Variants in KIAA1958 observed in about 807,000 individuals in gnomAD.
KIAA1958 encodes KIAA1958, also known as uncharacterized protein KIAA1958.
Under a neutral mutation model 47.2 loss-of-function variants are expected in KIAA1958, and 14 were observed. The observed-to-expected ratio is 0.30, with a 90% CI of 0.20 to 0.46. The LOEUF is 0.46. Ranked by LOEUF, KIAA1958 falls within the 20% of genes least tolerant of loss-of-function variation. The pLI, the probability that KIAA1958 is intolerant of heterozygous loss-of-function variation, is 1.00. For missense variants in KIAA1958, 803 were observed against 909.2 expected (o/e 0.88, Z 1.50); for synonymous variants, 354 against 353.3 (o/e 1.00, Z -0.02).
In KIAA1958 at chr9:112,524,390, T is replaced by TCC. The variant is rs1834605486; in HGVS notation, c.-25+37272_-25+37273insCC. Among the ~76,000 whole-genome samples, 10 of 152,240 alleles carry TCC rather than the reference T, an allele frequency of 6.6e-5. 1 individual carries two copies. The highest frequency in any genetic ancestry group is 6.5e-4 in the Admixed American group (10 of 15,286). ...GAAGGGGGTCTAGTTTAGTGACCGG[T>TCC]TTCAGTTTATGCTATACCTCGGAAA... On this transcript the variant is annotated intron_variant, in intron 1 of 3. Transcript: ENST00000337530.
At chr9:112,524,435 G>T (rs1205138056) in intron 1 of KIAA1958, among the ~76,000 whole-genome samples, 1 of 152,372 alleles carries the variant, frequency 6.6e-6, no homozygotes, top group East Asian at 1.9e-4. Context: ...GACTGTGACT[G>T]AGAAAGCGGC....
At chr9:112,578,966 C>T (rs1477834614) in intron 2 of KIAA1958, among the ~76,000 whole-genome samples, 4 of 151,748 alleles carry the variant, frequency 2.6e-5, no homozygotes, top group Non-Finnish European at 5.9e-5. Flanking sequence ...CAGCTTTTTT[C>T]CCAGTTCTGT....
At position 112,665,829 on chromosome 9, in the gene KIAA1958, A is replaced by G. The variant is rs1398490355; in HGVS notation, c.*5760A>G. On this transcript the variant is annotated 3_prime_UTR_variant, in exon 4 of 4. Coordinates refer to ENST00000337530, the MANE Select transcript of KIAA1958 (RefSeq NM_133465.4). ...TTTATTCTAATGAAAGTTAGTTTAC[A>G]AGCTGCACCTGTTTTGACATTGGAC... 1.3e-5 allele frequency: 2 copies of G among 152,206 alleles called. No homozygotes were observed. Among genetic ancestry groups the G allele is most frequent in the African/African-American group, 4.8e-5 (2 of 41,464 alleles). The allele number at this position is 152,206 out of a possible 1,614,324, so 9.4% of individuals were successfully genotyped here. A position where few individuals can be genotyped will look rare whatever the true frequency, so the allele number is the denominator to read the frequency against.
intron 1 of KIAA1958, among the ~76,000 whole-genome samples, chr9:112,549,831 G>A (rs184266848): frequency 2.6e-5 from 4 of 152,310 alleles, no homozygotes; most frequent in African/African-American, 9.6e-5. Flanking sequence ...CATCTAGTGG[G>A]TAGAGATGCT....
At chr9:112,489,504 A>C (rs1833926145) in intron 1 of KIAA1958, among the ~76,000 whole-genome samples, 1 of 150,884 alleles carries the variant, frequency 6.6e-6, no homozygotes, top group African/African-American at 2.4e-5. Flanking sequence ...TAGGTAGATA[A>C]GAATTTTTTG....
rs1490091830 is a variant in KIAA1958 at position 112,669,115 on chromosome 9, CA to C, written c.*9047del. 6.6e-6 allele frequency: 1 copy of C among 152,208 alleles called. No homozygotes were observed. The highest frequency in any genetic ancestry group is 2.4e-5 in the African/African-American group (1 of 41,446). 9.4% of individuals were successfully genotyped at this position (152,208 alleles called of 1,614,324 possible). ...GTCTCCAGCTTTTTCCTTCTTCCCC[CA>C]GATGGTCGCACCTGTGCATACATCC... On this transcript the variant is annotated 3_prime_UTR_variant, in exon 4 of 4. Transcript: ENST00000337530.
chr9:112,506,402 G>A (rs898458564), intron 1 of KIAA1958, among the ~76,000 whole-genome samples: 10 of 152,266 alleles, frequency 6.6e-5, no homozygotes, highest in African/African-American at 2.4e-4. Flanking sequence ...CTTGCAGTGA[G>A]CCGAGATCAC....
At chr9:112,550,661 G>A (rs1219398468) in intron 1 of KIAA1958, among the ~76,000 whole-genome samples, 2 of 152,206 alleles carry the variant, frequency 1.3e-5, no homozygotes, top group African/African-American at 2.4e-5. Context: ...GGCCCTCCCA[G>A]TTGAATCACA....
intron 1 of KIAA1958, among the ~76,000 whole-genome samples, chr9:112,494,861 T>C (rs1834025183): frequency 6.6e-6 from 1 of 152,186 alleles, no homozygotes; most frequent in Non-Finnish European, 1.5e-5. Flanking sequence ...TCATTTCTTA[T>C]TGTACATCCT....
intron 2 of KIAA1958, among the ~76,000 whole-genome samples, chr9:112,615,289 G>A (rs1374127561): frequency 6.6e-6 from 1 of 151,720 alleles, no homozygotes; most frequent in Non-Finnish European, 1.5e-5. Flanking sequence ...GCATGATGGC[G>A]GGTGCCTGTA....
chr9:112,651,744 T>C (rs1350107020), intron 3 of KIAA1958, among the ~76,000 whole-genome samples: 1 of 152,076 alleles, frequency 6.6e-6, no homozygotes, highest in African/African-American at 2.4e-5. Flanking sequence ...ATATACCCAA[T>C]ACTTGGAAGT....
intron 1 of KIAA1958, among the ~76,000 whole-genome samples, chr9:112,500,059 G>T (rs1834108598): frequency 6.6e-6 from 1 of 152,008 alleles, no homozygotes; most frequent in South Asian, 2.1e-4. Context: ...TTCCATTAAT[G>T]AAGTGATTGC....
intron 3 of KIAA1958, among the ~76,000 whole-genome samples, chr9:112,649,115 T>C (rs906689798): frequency 6.6e-5 from 10 of 152,214 alleles, no homozygotes; most frequent in African/African-American, 1.7e-4. Flanking sequence ...AACTTGAATG[T>C]ATAGCAATAG....
At chr9:112,613,920 A>G (rs1326013148) in intron 2 of KIAA1958, among the ~76,000 whole-genome samples, 1 of 152,192 alleles carries the variant, frequency 6.6e-6, no homozygotes, top group Non-Finnish European at 1.5e-5. Context: ...TATATACCCA[A>G]GAGAGATGCA....
chr9:112,563,869 G>A (rs991415950), intron 1 of KIAA1958, among the ~76,000 whole-genome samples: 5 of 152,072 alleles, frequency 3.3e-5, no homozygotes, highest in African/African-American at 1.2e-4. Context: ...ATTTTGTACA[G>A]ATGCTCTTTA....
intron 2 of KIAA1958, among the ~76,000 whole-genome samples, chr9:112,620,755 C>T (rs1002095787): frequency 4.7e-5 from 7 of 150,402 alleles, no homozygotes; most frequent in African/African-American, 9.8e-5. Context: ...AAGTGACTTA[C>T]ATGGATCACA....
chr9:112,637,753 T>C (rs972897155), intron 2 of KIAA1958, among the ~76,000 whole-genome samples: 1 of 152,244 alleles, frequency 6.6e-6, no homozygotes, highest in Non-Finnish European at 1.5e-5. Flanking sequence ...ATACTAAAGA[T>C]ATCATCTGTT....
chr9:112,606,847 G>T (rs886234428), intron 2 of KIAA1958, among the ~76,000 whole-genome samples: 4 of 152,164 alleles, frequency 2.6e-5, no homozygotes, highest in Admixed American at 1.3e-4. Context: ...CCAAGTTAGG[G>T]ACTAGAAGTT....
At chr9:112,533,090 A>G (rs1259761049) in intron 1 of KIAA1958, among the ~76,000 whole-genome samples, 1 of 152,148 alleles carries the variant, frequency 6.6e-6, no homozygotes, top group Non-Finnish European at 1.5e-5. Context: ...TTCCAGATTT[A>G]TAAAATATGT....
Sources: allele counts gnomAD v4.1 joint callset (sites outside exome capture counted in the v4.1 genomes callset), GRCh38; gene constraint gnomAD v4.1.1; transcripts MANE v1.5; gene names NCBI Gene and HGNC (gene_info 2026-07-23, HGNC 2026-07-21).